Variants in LRTM1 observed in about 807,000 individuals in gnomAD.
The protein encoded by LRTM1 is leucine-rich repeat and transmembrane domain-containing protein 1.
LRTM1 carries 38 observed loss-of-function variants against 32.4 expected under a neutral mutation model. The ratio of observed to expected loss-of-function variants is 1.17; its 90% CI spans 0.91 to 1.54. LRTM1 has a LOEUF of 1.54. Among genes scored for constraint, LRTM1 ranks in the 40% most tolerant of loss-of-function variants. The pLI is 0.00. For missense variants in LRTM1, 466 were observed against 415.4 expected, an observed-to-expected ratio of 1.12 and a Z score of -1.06; for synonymous variants, 186 against 169.9, an observed-to-expected ratio of 1.09 and a Z score of -0.74.
intron 1 of LRTM1, among the ~76,000 whole-genome samples, chr3:54,943,226 A>G (rs995589345): frequency 5.9e-5 from 9 of 151,748 alleles, no homozygotes; most frequent in Non-Finnish European, 8.8e-5. Context: ...AATGAGAATA[A>G]TAACAATGTT....
chr3:54,924,773 T>C lies in LRTM1; in HGVS notation c.450A>G (p.Ile150Met). ...GAAGCTGGTTTTGTTGAACCGCAAG[T>C]ATAGTTAGGTTCTCCCAAGTCTCTC... ...SLGETWENLT[I>M]LAVQQNQLQQ... is the part of the protein sequence containing the mutation. Residue 150 changes from isoleucine (I) to methionine (M), a missense_variant, in exon 2 of 3, where the codon ATA (isoleucine) becomes ATG (methionine). Coordinates refer to ENST00000273286, the MANE Select transcript of LRTM1 (RefSeq NM_020678.4). 6.2e-7 allele frequency: 1 copy of C among 1,613,938 alleles called. No individual in the cohort carries two copies. The highest frequency in any genetic ancestry group is 1.1e-5 in the South Asian group (1 of 91,066).
At chr3:54,938,061 G>A (rs1049770738) in intron 1 of LRTM1, among the ~76,000 whole-genome samples, 7 of 152,192 alleles carry the variant, frequency 4.6e-5, no homozygotes, top group African/African-American at 7.2e-5. Context: ...CCCCGTACAC[G>A]TTTCTCAGAT....
In LRTM1 at chr3:54,918,870, G is replaced by T. The variant is rs776130162; in HGVS notation, c.627C>A (p.Ile209=). ...CCTTCCAGGTGTCTGGTGATTCACA[G>T]ATGATGCCGTCTGTTAGTCCCCCTT... ...VYKGGLTDGI[I]CESPDTWKGK... The change falls in exon 3 of 3, where the codon ATC becomes ATA. Residue 209 remains isoleucine (I), a synonymous_variant. Coordinates refer to ENST00000273286, the MANE Select transcript of LRTM1 (RefSeq NM_020678.4). 1 of 1,552,740 alleles carries T rather than the reference G, an allele frequency of 6.4e-7. No individual in the cohort carries two copies. The highest frequency in any genetic ancestry group is 1.9e-5 in the Admixed American group (1 of 51,784).
intron 1 of LRTM1, among the ~76,000 whole-genome samples, chr3:54,966,597 T>C (rs907060813): frequency 6.6e-5 from 10 of 152,122 alleles, no homozygotes; most frequent in African/African-American, 2.2e-4. Flanking sequence ...GGCAGGCAGG[T>C]CACTTGAGCC....
Position 54,918,649 on chromosome 3 carries a change from C to G in LRTM1, c.848G>C (p.Arg283Pro), listed in dbSNP as rs142542421. 2 of 1,614,186 alleles carry G rather than the reference C, an allele frequency of 1.2e-6. No individual in the cohort carries two copies. Among genetic ancestry groups the G allele is most frequent in the Non-Finnish European group, 1.7e-6 (2 of 1,180,046 alleles). ...LKPKPRPANL[R>P]HAIATVIITG... ...GATGATGACAGTGGCAATGGCATGA[C>G]GCAGGTTGGCCGGCCTTGGCTTGGG... is the stretch of plus-strand genomic sequence containing the variant. The change falls in exon 3 of 3, where the codon CGT becomes CCT. Residue 283 changes from arginine to proline, a missense_variant. By Grantham distance (103) the Arg-to-Pro change is moderately radical. Coordinates refer to ENST00000273286, the MANE Select transcript of LRTM1 (RefSeq NM_020678.4).
rs1426540111 is a variant in LRTM1, at chr3:54,927,933, C to A, written c.-22G>T. Reference sequence around the variant, plus strand: ...TCATGACTGAGTCTCCTTGGGCGTCCTTGCTGACCTCGTAGACCCTTTAAT... The same window carrying A: ...TCATGACTGAGTCTCCTTGGGCGTCATTGCTGACCTCGTAGACCCTTTAAT... On this transcript the variant is annotated 5_prime_UTR_variant, in exon 1 of 3. The change creates a new upstream start codon in the 5' untranslated region. Transcript: ENST00000273286. The A allele has an allele frequency of 6.2e-7, 1 of 1,613,212 alleles. No individual in the cohort carries two copies. The highest frequency in any genetic ancestry group is 8.5e-7 in the Non-Finnish European group (1 of 1,179,372).
At chr3:54,928,383 T>C (rs1049474481), upstream of LRTM1, among the ~76,000 whole-genome samples, 3 of 152,172 alleles carry the variant, frequency 2.0e-5, no homozygotes, top group Admixed American at 1.3e-4. Flanking sequence ...TGTTGACTTA[T>C]TAACCATGCC....
chr3:54,950,931 G>T lies in LRTM1; in HGVS notation c.-222+15997C>A, dbSNP rs190761276. On this transcript the variant is annotated intron_variant, in intron 1 of 2. Coordinates refer to the LRTM1 transcript ENST00000493075. ...GGAAAATAAAGAGGATACTCTCTGG[G>T]CTCAGTGGCAGAGGGGAAACTGAAG... Among the ~76,000 whole-genome samples, 5 of 152,314 alleles carry T rather than the reference G, an allele frequency of 3.3e-5. No homozygotes were observed. In the East Asian group the frequency reaches 7.7e-4, roughly 24 times the overall value.
At position 54,933,760 on chromosome 3, in the gene LRTM1, CTTT is replaced by C. The variant is rs34842038; in HGVS notation, c.-221-8548_-221-8546del. Among the ~76,000 whole-genome samples, 222 of 141,154 alleles carry C rather than the reference CTTT, an allele frequency of 1.6e-3. 2 individuals are homozygous for C. The highest frequency in any genetic ancestry group is 3.3e-3 in the Admixed American group (47 of 14,210). 92.6% of individuals were successfully genotyped at this position (141,154 alleles called of 152,430 possible). On this transcript the variant is annotated intron_variant, in intron 1 of 2. Transcript: ENST00000493075. ...TGAATGAATAAAGATATTACTATTA[CTTT>C]TTTTTTTTTTTTTGAGACAAAGTCT...
chr3:54,955,562 C>T (rs373327902), intron 1 of LRTM1, among the ~76,000 whole-genome samples: 2 of 152,096 alleles, frequency 1.3e-5, no homozygotes, highest in African/African-American at 4.8e-5. Context: ...GCTAGAGGAA[C>T]GTTGATTCTG....
chr3:54,945,534 G>A (rs1701590577), intron 1 of LRTM1, among the ~76,000 whole-genome samples: 1 of 152,168 alleles, frequency 6.6e-6, no homozygotes, highest in African/African-American at 2.4e-5. Context: ...CTTTGAGGAG[G>A]CCTGGACTTC....
At chr3:54,946,513 C>A (rs1701618690) in intron 1 of LRTM1, among the ~76,000 whole-genome samples, 1 of 152,084 alleles carries the variant, frequency 6.6e-6, no homozygotes, top group Admixed American at 6.5e-5. Context: ...CCGTTAGCAG[C>A]AGGAAAGAAG....
At chr3:54,966,688 G>A (rs1702159081) in intron 1 of LRTM1, among the ~76,000 whole-genome samples, 1 of 152,012 alleles carries the variant, frequency 6.6e-6, no homozygotes, top group Admixed American at 6.5e-5. Context: ...GTGTGGTGGT[G>A]CACACCTGTA....
intron 1 of LRTM1, among the ~76,000 whole-genome samples, chr3:54,943,264 G>A (rs772597579): frequency 6.6e-6 from 1 of 151,264 alleles, no homozygotes; most frequent in Non-Finnish European, 1.5e-5. Context: ...ATCATGCCCT[G>A]ATCCATCATT....
At chr3:54,936,927 A>G (rs1397054163) in intron 1 of LRTM1, among the ~76,000 whole-genome samples, 1 of 152,144 alleles carries the variant, frequency 6.6e-6, no homozygotes, top group East Asian at 1.9e-4. Flanking sequence ...TCTCACTGCT[A>G]CGGCTGATGT....
At chr3:54,950,333 C>A (rs1701727427) in intron 1 of LRTM1, among the ~76,000 whole-genome samples, 1 of 152,132 alleles carries the variant, frequency 6.6e-6, no homozygotes, top group Non-Finnish European at 1.5e-5. Flanking sequence ...ACAGATGCAG[C>A]CACTACAAAG....
intron 1 of LRTM1, among the ~76,000 whole-genome samples, chr3:54,935,605 T>C (rs1701308170): frequency 6.6e-6 from 1 of 152,200 alleles, no homozygotes; most frequent in African/African-American, 2.4e-5. Context: ...TTCATGTTCA[T>C]GTTTGATTGT....
chr3:54,952,373 G>T (rs1250717839), intron 1 of LRTM1, among the ~76,000 whole-genome samples: 1 of 152,120 alleles, frequency 6.6e-6, no homozygotes, highest in Non-Finnish European at 1.5e-5. Flanking sequence ...GAGGGAGGCC[G>T]CAAACATGAA....
chr3:54,955,428 G>A (rs1454101008), intron 1 of LRTM1, among the ~76,000 whole-genome samples: 1 of 151,928 alleles, frequency 6.6e-6, no homozygotes, highest in Non-Finnish European at 1.5e-5. Flanking sequence ...CTAGGGCAGG[G>A]GTTTAAGACA....
Sources: gnomAD v4.1 joint callset for allele counts (sites outside exome capture counted in the v4.1 genomes callset) on GRCh38, gnomAD v4.1.1 for gene constraint, MANE v1.5 for transcripts, NCBI Gene and HGNC (gene_info 2026-07-23, HGNC 2026-07-21) for gene names.